The following DLC1 variants were observed in gnomAD, a reference collection of about 807,000 sequenced individuals.
The protein encoded by DLC1 is rho GTPase-activating protein 7.
A neutral mutation model predicts 140.3 loss-of-function variants in DLC1; 54 were observed. That is an observed-to-expected ratio of 0.38 (90% CI 0.31 to 0.48). The LOEUF (loss-of-function observed/expected upper bound fraction) is 0.48. Among genes scored for constraint, DLC1 ranks in the 20% least tolerant of loss-of-function variants. DLC1 has a pLI of 0.96. For missense variants in DLC1, 2,536 were observed against 1,907.0 expected (o/e 1.33, Z -6.14); for synonymous variants, 986 against 728.1 (o/e 1.35, Z -5.70).
chr8:13,154,617 G>A (rs892245495), intron 5 of DLC1, among the ~76,000 whole-genome samples: 1 of 152,210 alleles, frequency 6.6e-6, no homozygotes, highest in Non-Finnish European at 1.5e-5. Context: ...AGCTGGCTCT[G>A]GTCTCAGCCA....
intron 4 of DLC1, among the ~76,000 whole-genome samples, chr8:13,311,198 T>G (rs1563243999): frequency 6.6e-6 from 1 of 152,194 alleles, no homozygotes; most frequent in Non-Finnish European, 1.5e-5. Flanking sequence ...TATGAGGACG[T>G]TGAGACCCAG....
intron 2 of DLC1, among the ~76,000 whole-genome samples, chr8:13,413,137 G>C (rs117607078): frequency 0.013 from 2,013 of 151,732 alleles, 32 homozygotes; most frequent in South Asian, 0.045. Flanking sequence ...TTGCTAAGTA[G>C]GGAAAGAAAG....
At chr8:13,328,014 C>T (rs1586145968) in intron 4 of DLC1, among the ~76,000 whole-genome samples, 1 of 152,128 alleles carries the variant, frequency 6.6e-6, no homozygotes, top group South Asian at 2.1e-4. Context: ...GCAAGAGTTC[C>T]AAGCTAGGAT....
At chr8:13,128,051 A>C (rs1487600584) in intron 5 of DLC1, among the ~76,000 whole-genome samples, 1 of 152,048 alleles carries the variant, frequency 6.6e-6, no homozygotes, top group Non-Finnish European at 1.5e-5. Context: ...CAAAAAAAAA[A>C]ACCCCAAAAA....
At chr8:13,256,686 A>T (rs1830241482) in intron 5 of DLC1, among the ~76,000 whole-genome samples, 1 of 152,090 alleles carries the variant, frequency 6.6e-6, no homozygotes, top group South Asian at 2.1e-4. Context: ...GAACACATGG[A>T]CACAGGGAGG....
intron 2 of DLC1, among the ~76,000 whole-genome samples, chr8:13,438,826 G>A (rs1180661560): frequency 6.6e-5 from 10 of 152,094 alleles, no homozygotes. Context: ...CTGATTCACT[G>A]CACTTATCAA....
chr8:13,323,612 TAAA>T (rs1391852211), intron 4 of DLC1, among the ~76,000 whole-genome samples: 2 of 152,206 alleles, frequency 1.3e-5, no homozygotes, highest in African/African-American at 4.8e-5. Context: ...TACAGAATAA[TAAA>T]AATTGATTTC....
At position 13,232,621 on chromosome 8, in the gene DLC1, G is replaced by T. The variant is rs117623830; in HGVS notation, c.1348+72648C>A. Among the ~76,000 whole-genome samples the T allele has an allele frequency of 1.3e-3, 195 of 152,262 alleles. 5 individuals are homozygous for T. The East Asian group carries it at 0.033, about 25-fold the overall frequency. The stretch of plus-strand genomic sequence containing the variant: ...GCTGGGATTACAGGCATGAGCCACG[G>T]TGCCCCGCCTCTGCTACAGTCTTGG... On this transcript the variant is annotated intron_variant, in intron 5 of 17. Transcript: ENST00000276297.
At chr8:13,105,835 C>A (rs1819521430) in intron 7 of DLC1, among the ~76,000 whole-genome samples, 1 of 152,140 alleles carries the variant, frequency 6.6e-6, no homozygotes, top group South Asian at 2.1e-4. Flanking sequence ...ATCTCGGCCT[C>A]CCAAAGTGCT....
At chr8:13,202,969 C>T (rs914047689) in intron 5 of DLC1, among the ~76,000 whole-genome samples, 4 of 152,150 alleles carry the variant, frequency 2.6e-5, no homozygotes, top group South Asian at 4.1e-4. Flanking sequence ...CACCAAGCTT[C>T]CCCCTTGTAA....
chr8:13,087,299 G>A (rs993460433), intron 16 of DLC1, among the ~76,000 whole-genome samples: 8 of 152,216 alleles, frequency 5.3e-5, no homozygotes, highest in African/African-American at 1.7e-4. Context: ...CTACTTGGGA[G>A]GCTGAGGGGG....
At chr8:13,434,323 T>A (rs1345374274) in intron 2 of DLC1, among the ~76,000 whole-genome samples, 1 of 152,246 alleles carries the variant, frequency 6.6e-6, no homozygotes, top group Non-Finnish European at 1.5e-5. Flanking sequence ...TAACTCTCTA[T>A]AACCCAAGAT....
intron 4 of DLC1, among the ~76,000 whole-genome samples, chr8:13,315,618 A>T (rs17192664): frequency 0.29 from 43,752 of 152,088 alleles, 7,016 homozygotes; most frequent in East Asian, 0.42. Flanking sequence ...TCCTTAAATC[A>T]CAGGAGCCCA....
chr8:13,210,100 T>A (rs548789185), intron 5 of DLC1, among the ~76,000 whole-genome samples: 34 of 152,280 alleles, frequency 2.2e-4, no homozygotes. Flanking sequence ...CTCTCAAATT[T>A]CTATAGTTAA....
intron 1 of DLC1, among the ~76,000 whole-genome samples, chr8:13,524,810 C>G (rs1475945697): frequency 6.6e-6 from 1 of 151,614 alleles, no homozygotes; most frequent in Non-Finnish European, 1.5e-5. Context: ...TGGCATTTCT[C>G]TTATGTATTT....
chr8:13,411,724 A>C (rs1837793040), intron 2 of DLC1, among the ~76,000 whole-genome samples: 2 of 152,216 alleles, frequency 1.3e-5, no homozygotes, highest in Admixed American at 1.3e-4. Flanking sequence ...GAAACAAAAT[A>C]AAGAAAATGG....
chr8:13,464,485 T>G (rs533042218), intron 2 of DLC1, among the ~76,000 whole-genome samples: 5 of 151,554 alleles, frequency 3.3e-5, no homozygotes, highest in Admixed American at 6.6e-5. Flanking sequence ...CATTAAATGT[T>G]TCTCTTTTTT....
At chr8:13,456,067 G>A (rs1170156383) in intron 2 of DLC1, among the ~76,000 whole-genome samples, 1 of 152,148 alleles carries the variant, frequency 6.6e-6, no homozygotes, top group African/African-American at 2.4e-5. Context: ...TTGTGTCAAA[G>A]GGGAAAAGCA....
At chr8:13,290,829 A>T (rs113992063) in intron 5 of DLC1, among the ~76,000 whole-genome samples, 1 of 152,240 alleles carries the variant, frequency 6.6e-6, no homozygotes, top group Non-Finnish European at 1.5e-5. Flanking sequence ...GAATGTGAGC[A>T]TTCCTGTGAT....
Sources: allele counts gnomAD v4.1 joint callset (sites outside exome capture counted in the v4.1 genomes callset), GRCh38; gene constraint gnomAD v4.1.1; transcripts MANE v1.5; gene names NCBI Gene and HGNC (gene_info 2026-07-23, HGNC 2026-07-21).